LRCH1: variants seen among roughly 807,000 people sequenced by gnomAD.
LRCH1 encodes leucine rich repeats and calponin homology domain containing 1.
Under a neutral mutation model 94.9 loss-of-function variants are expected in LRCH1, and 23 were observed. That is an observed-to-expected ratio of 0.24 (90% confidence interval 0.17 to 0.34). The LOEUF is 0.34. Ranked by LOEUF, LRCH1 falls within the 10% of genes least tolerant of loss-of-function variation. The pLI, the probability that LRCH1 is intolerant of heterozygous loss-of-function variation, is 1.00. For synonymous variants in LRCH1, 364 were observed against 354.9 expected (o/e 1.03, Z -0.29); for missense variants, 790 against 945.9 (o/e 0.84, Z 2.16).
At chr13:46,724,062 C>T (rs913049024) in intron 17 of LRCH1, among the ~76,000 whole-genome samples, 3 of 152,140 alleles carry the variant, frequency 2.0e-5, no homozygotes, top group African/African-American at 7.2e-5. Context: ...GATCTCGGCT[C>T]ACTGCAGCCT....
intron 1 of LRCH1, among the ~76,000 whole-genome samples, chr13:46,580,449 A>C (rs954848584): frequency 6.6e-6 from 1 of 152,228 alleles, no homozygotes; most frequent in African/African-American, 2.4e-5. Context: ...CGAAACTGCA[A>C]GGAAACCTAA....
At chr13:46,679,526 A>G (rs1396332915) in intron 3 of LRCH1, among the ~76,000 whole-genome samples, 1 of 152,182 alleles carries the variant, frequency 6.6e-6, no homozygotes, top group Admixed American at 6.5e-5. Context: ...GGACCTCCTA[A>G]TTCTGTAATT....
In LRCH1 at chr13:46,635,467, C is replaced by CTTTT. The variant is rs35362550; in HGVS notation, c.308-14716_308-14713dup. On this transcript the variant is annotated intron_variant, in intron 1 of 19. Coordinates refer to ENST00000389797, the MANE Select transcript of LRCH1 (RefSeq NM_001164211.2). ...CTTGAAAGATCCGGTCCCCTCCCAC[C>CTTTT]TTTTTTTTTTTTTTTTTTTTTGAGA... Among the ~76,000 whole-genome samples the CTTTT allele has an allele frequency of 5.4e-3, 522 of 96,544 alleles. 13 individuals are homozygous for CTTTT. The highest frequency in any genetic ancestry group is 7.2e-3 in the African/African-American group (168 of 23,238). 63.3% of individuals were successfully genotyped at this position (96,544 alleles called of 152,430 possible).
chr13:46,597,692 G>A (rs1403463138), intron 1 of LRCH1, among the ~76,000 whole-genome samples: 1 of 152,116 alleles, frequency 6.6e-6, no homozygotes, highest in African/African-American at 2.4e-5. Flanking sequence ...AGGCTGTGAT[G>A]TGCCTTATAG....
intron 2 of LRCH1, among the ~76,000 whole-genome samples, chr13:46,652,156 A>G (rs2051313602): frequency 6.7e-6 from 1 of 150,100 alleles, no homozygotes; most frequent in African/African-American, 2.5e-5. Context: ...GGCTCACTGC[A>G]AGCTCCGCCT....
intron 1 of LRCH1, among the ~76,000 whole-genome samples, chr13:46,607,434 T>G (rs2050699702): frequency 6.6e-6 from 1 of 152,176 alleles, no homozygotes; most frequent in Non-Finnish European, 1.5e-5. Context: ...GTTTTGGTGC[T>G]TTTCTGTAAT....
intron 1 of LRCH1, among the ~76,000 whole-genome samples, chr13:46,649,584 T>C (rs2051265588): frequency 1.3e-5 from 2 of 152,160 alleles, no homozygotes; most frequent in Non-Finnish European, 2.9e-5. Flanking sequence ...GTCTTATATA[T>C]TATAGGCTCT....
chr13:46,692,400 T>C, intron 7 of LRCH1, 136 bp from the exon 8 acceptor site: 2 of 613,054 alleles, frequency 3.3e-6, no homozygotes, highest in Non-Finnish European at 5.6e-6. Context: ...TAAGTGGAAT[T>C]GACCTTTGTA....
Position 46,744,558 on chromosome 13 carries a change from G to A in LRCH1, c.*2710G>A. ...GGGGCCCCGCAGAACTACAATGTAT[G>A]ATAATCGAGTATAAATTTCATCAAT... On this transcript the variant is annotated 3_prime_UTR_variant, in exon 20 of 20. Coordinates refer to ENST00000389797, the MANE Select transcript of LRCH1 (RefSeq NM_001164211.2). The A allele has an allele frequency of 1.0e-5, 10 of 985,384 alleles. No homozygotes were observed. Among genetic ancestry groups the A allele is most frequent in the Non-Finnish European group, 1.2e-5 (10 of 829,924 alleles). 61.0% of individuals were successfully genotyped at this position (985,384 alleles called of 1,614,324 possible). A position where few individuals can be genotyped will look rare whatever the true frequency, so the allele number is the denominator to read the frequency against.
chr13:46,668,989 C>T (rs1190907450), intron 2 of LRCH1, 41 bp from the exon 3 acceptor site: 2 of 1,610,152 alleles, frequency 1.2e-6, no homozygotes, highest in Admixed American at 1.7e-5. Flanking sequence ...TATGAAGTGG[C>T]CTTTCTGTTT....
chr13:46,557,247 A>G (rs1388229934), intron 1 of LRCH1, among the ~76,000 whole-genome samples: 1 of 152,068 alleles, frequency 6.6e-6, no homozygotes, highest in Non-Finnish European at 1.5e-5. Flanking sequence ...TGTACAATTA[A>G]AAGTGAATTG....
rs553962954 is a variant in LRCH1 at position 46,676,223 on chromosome 13, C to T, written c.580-5518C>T. Among the ~76,000 whole-genome samples, 8 of 150,386 alleles carry T rather than the reference C, an allele frequency of 5.3e-5. No homozygotes were observed. The South Asian group carries it at 6.3e-4, about 12-fold the overall frequency. ...TTGCAGCAAGCCGAGATTGCGCCACCGCACTCCAGCCTGGGTGACAGAGAC... is the reference window on the plus strand; with the variant it reads ...TTGCAGCAAGCCGAGATTGCGCCACTGCACTCCAGCCTGGGTGACAGAGAC... On this transcript the variant is annotated intron_variant, in intron 3 of 19. Coordinates refer to ENST00000389797, the MANE Select transcript of LRCH1 (RefSeq NM_001164211.2).
chr13:46,625,775 T>A (rs2050941129), intron 1 of LRCH1, among the ~76,000 whole-genome samples: 1 of 151,640 alleles, frequency 6.6e-6, no homozygotes, highest in African/African-American at 2.4e-5. Flanking sequence ...CACCTCAGCC[T>A]CCCAGGTAGC....
chr13:46,618,127 G>A (rs1566179616), intron 1 of LRCH1, among the ~76,000 whole-genome samples: 2 of 152,120 alleles, frequency 1.3e-5, no homozygotes, highest in African/African-American at 2.4e-5. Context: ...CCTAGATGGC[G>A]TGGCCTACTG....
rs766105735 is a variant in LRCH1, at chr13:46,672,892, C to T, written c.579+3736C>T. ...AGGCAGAAAGCCAGTGCATGACATACGGAAGGTCACCCCTGTGTAGCTAAA... is the reference window on the plus strand; with the variant it reads ...AGGCAGAAAGCCAGTGCATGACATATGGAAGGTCACCCCTGTGTAGCTAAA... On this transcript the variant is annotated intron_variant, in intron 3 of 19. Coordinates refer to ENST00000389797, the MANE Select transcript of LRCH1 (RefSeq NM_001164211.2). Among the ~76,000 whole-genome samples the T allele has an allele frequency of 3.3e-5, 5 of 152,196 alleles. No homozygotes were observed. In the South Asian group the frequency reaches 8.3e-4, roughly 25 times the overall value.
chr13:46,561,905 CT>C (rs1264261152), intron 1 of LRCH1, among the ~76,000 whole-genome samples: 1 of 152,202 alleles, frequency 6.6e-6, no homozygotes, highest in African/African-American at 2.4e-5. Context: ...CTTAAGCCAT[CT>C]TTGCATTATT....
intron 15 of LRCH1, among the ~76,000 whole-genome samples, chr13:46,712,902 G>C (rs770239172): frequency 1.3e-5 from 2 of 152,100 alleles, no homozygotes; most frequent in Non-Finnish European, 2.9e-5. Context: ...AGATAAAATA[G>C]CTTTGGCCCC....
chr13:46,582,785 G>C (rs1404719888), intron 1 of LRCH1, among the ~76,000 whole-genome samples: 1 of 150,314 alleles, frequency 6.7e-6, no homozygotes, highest in Non-Finnish European at 1.5e-5. Flanking sequence ...ATAGGTATTC[G>C]CCGCTGTGCC....
intron 1 of LRCH1, among the ~76,000 whole-genome samples, chr13:46,588,810 C>T (rs966519104): frequency 1.3e-5 from 2 of 152,000 alleles, no homozygotes; most frequent in African/African-American, 4.8e-5. Context: ...GCCATGTTGG[C>T]CAGGCTGGTC....
Sources: allele counts gnomAD v4.1 joint callset (sites outside exome capture counted in the v4.1 genomes callset), GRCh38; gene constraint gnomAD v4.1.1; transcripts MANE v1.5; gene names NCBI Gene and HGNC (gene_info 2026-07-23, HGNC 2026-07-21).